Variants in IL34 observed in about 807,000 individuals in gnomAD.
IL34 encodes the protein interleukin 34.
A neutral mutation model predicts 25.3 loss-of-function variants in IL34; 17 were observed. The ratio of observed to expected loss-of-function variants is 0.67; its 90% confidence interval spans 0.46 to 1.01. IL34 has a LOEUF of 1.01. IL34 is among the 50% of genes least tolerant of loss of function. The pLI, the probability that IL34 is intolerant of heterozygous loss-of-function variation, is 0.00. For synonymous variants in IL34, 174 were observed against 140.9 expected (o/e 1.23, Z -1.66); for missense variants, 368 against 312.9 (o/e 1.18, Z -1.33).
At chr16:70,626,470 C>T (rs1474439214) in intron 1 of IL34, among the ~76,000 whole-genome samples, 1 of 152,116 alleles carries the variant, frequency 6.6e-6, no homozygotes, top group Non-Finnish European at 1.5e-5. Flanking sequence ...AATCCTGGCT[C>T]ACTGCAACCT....
chr16:70,589,546 A>C (rs1205918749), intron 1 of IL34, among the ~76,000 whole-genome samples: 1 of 151,606 alleles, frequency 6.6e-6, no homozygotes, highest in East Asian at 1.9e-4. Flanking sequence ...AGCTCCATCC[A>C]TGTTCCCATA....
At chr16:70,588,313 G>A (rs1177506137) in intron 1 of IL34, among the ~76,000 whole-genome samples, 2 of 151,902 alleles carry the variant, frequency 1.3e-5, no homozygotes, top group Non-Finnish European at 2.9e-5. Context: ...GGCCAACATG[G>A]CAAAACCCCA....
intron 1 of IL34, among the ~76,000 whole-genome samples, chr16:70,613,761 C>G (rs1336511536): frequency 1.3e-5 from 2 of 151,910 alleles, no homozygotes; most frequent in African/African-American, 2.4e-5. Flanking sequence ...GTAGTCCCAG[C>G]TACTTGGGAA....
At chr16:70,630,309 C>T (rs983000870) in intron 1 of IL34, among the ~76,000 whole-genome samples, 1 of 152,124 alleles carries the variant, frequency 6.6e-6, no homozygotes, top group Non-Finnish European at 1.5e-5. Flanking sequence ...GTGATCTCTG[C>T]TTATTGCAAC....
At chr16:70,648,552 T>TTAA (rs767131557) in intron 1 of IL34, among the ~76,000 whole-genome samples, 2 of 73,308 alleles carry the variant, frequency 2.7e-5, no homozygotes, top group African/African-American at 6.7e-5. Context: ...ACCCTGTCTT[T>TTAA]AAAAAAAAAA....
intron 1 of IL34, among the ~76,000 whole-genome samples, chr16:70,639,461 C>T (rs1026141909): frequency 7.9e-5 from 12 of 152,106 alleles, no homozygotes; most frequent in African/African-American, 2.2e-4. Flanking sequence ...GATCAGAAAG[C>T]GAGATGATGA....
At chr16:70,659,818 A>G (rs1351266851) in intron 5 of IL34, 65 bp downstream of exon 5, 3 of 1,538,320 alleles carry the variant, frequency 2.0e-6, no homozygotes, top group Admixed American at 2.0e-5. Context: ...CACCCAGGCC[A>G]GCTGGCAGAG....
intron 1 of IL34, among the ~76,000 whole-genome samples, chr16:70,587,971 G>A (rs1291060103): frequency 4.6e-5 from 7 of 151,988 alleles, no homozygotes; most frequent in Non-Finnish European, 7.4e-5. Flanking sequence ...CCCAGGAGGC[G>A]GAGGTCTCAG....
intron 1 of IL34, among the ~76,000 whole-genome samples, chr16:70,631,167 T>C (rs2051509896): frequency 6.6e-6 from 1 of 152,236 alleles, no homozygotes; most frequent in African/African-American, 2.4e-5. Context: ...ACTCTTGGAA[T>C]AAAGTCTCTT....
intron 1 of IL34, among the ~76,000 whole-genome samples, chr16:70,591,895 G>A (rs1037535366): frequency 1.3e-5 from 2 of 151,984 alleles, no homozygotes; most frequent in Admixed American, 6.5e-5. Context: ...TGGGGCCAAC[G>A]GCAGTGGTGT....
In IL34 at chr16:70,656,990, C is replaced by T. The variant is rs572668662; in HGVS notation, c.271C>T (p.Arg91Trp). 4 of 1,611,280 alleles carry T rather than the reference C, an allele frequency of 2.5e-6. No homozygotes were observed. The highest frequency in any genetic ancestry group is 1.1e-5 in the South Asian group (1 of 90,914). The change falls in exon 4 of 6, where the codon CGG becomes TGG. Residue 91 changes from arginine (R) to tryptophan (W), a missense_variant. Transcript: ENST00000288098. ...QRAQVSEREL[R>W]YLWVLVSLSA... ...GGCCCAGGTGAGCGAGCGGGAGCTGCGGTATCTGTGGGTCTTGGTGAGCCT... is the reference window on the plus strand; with the variant it reads ...GGCCCAGGTGAGCGAGCGGGAGCTGTGGTATCTGTGGGTCTTGGTGAGCCT...
At chr16:70,613,860 TGA>T (rs1319369108) in intron 1 of IL34, among the ~76,000 whole-genome samples, 1 of 135,128 alleles carries the variant, frequency 7.4e-6, no homozygotes, top group Admixed American at 7.5e-5. Flanking sequence ...GGTGACAGAG[TGA>T]GACTCTGTCT....
chr16:70,610,920 C>T (rs1332018219), intron 1 of IL34, among the ~76,000 whole-genome samples: 5 of 152,120 alleles, frequency 3.3e-5, no homozygotes, highest in Non-Finnish European at 5.9e-5. Flanking sequence ...AAACTGCTTG[C>T]GTTCTTTCCC....
At chr16:70,613,964 G>A (rs12929975) in intron 1 of IL34, among the ~76,000 whole-genome samples, 53,619 of 151,752 alleles carry the variant, frequency 0.35, 10,126 homozygotes, top group South Asian at 0.61. Flanking sequence ...GAGGCAGGAG[G>A]ATTGCTTGAG....
chr16:70,601,376 G>A (rs2050915288), intron 1 of IL34, among the ~76,000 whole-genome samples: 1 of 151,920 alleles, frequency 6.6e-6, no homozygotes, highest in African/African-American at 2.4e-5. Flanking sequence ...CAAAGTGCTG[G>A]GATTACAGGT....
intron 1 of IL34, among the ~76,000 whole-genome samples, chr16:70,606,991 C>T (rs60762222): frequency 0.014 from 2,208 of 152,304 alleles, 61 homozygotes; most frequent in African/African-American, 0.05. Flanking sequence ...GCTTTTGGTG[C>T]TAGTCTGTAG....
rs192356278 is a variant in IL34 at position 70,660,145 on chromosome 16, G to C, written c.687G>C (p.Ser229=). The C allele has an allele frequency of 5.6e-4, 899 of 1,608,668 alleles. 10 individuals are homozygous for C. In the East Asian group the frequency reaches 0.017, roughly 31 times the overall value. Residue 229 remains serine (S), a synonymous_variant, in exon 6 of 6, where the codon TCG becomes TCC. Coordinates refer to ENST00000288098, the MANE Select transcript of IL34 (RefSeq NM_001393494.1). ...GCTCCCCGCCTCACTCCACGGGCTC[G>C]GTGAGGCCGGTCAGGGCACAGGGCG... ...SPSSPPHSTG[S]VRPVRAQGEG...
chr16:70,622,962 T>C (rs1053106231), intron 1 of IL34, among the ~76,000 whole-genome samples: 2 of 151,994 alleles, frequency 1.3e-5, no homozygotes, highest in African/African-American at 4.8e-5. Context: ...TCCTGGCTCT[T>C]GTATAAGAAT....
intron 1 of IL34, among the ~76,000 whole-genome samples, chr16:70,627,740 G>T (rs1443858316): frequency 6.6e-6 from 1 of 152,140 alleles, no homozygotes; most frequent in Non-Finnish European, 1.5e-5. Flanking sequence ...AAGTGGTGGG[G>T]TTGCAGGTGT....
Sources: allele counts gnomAD v4.1 joint callset (sites outside exome capture counted in the v4.1 genomes callset), GRCh38; gene constraint gnomAD v4.1.1; transcripts MANE v1.5; gene names NCBI Gene and HGNC (gene_info 2026-07-23, HGNC 2026-07-21).